The following PARVA variants were observed in gnomAD, a reference collection of about 807,000 sequenced individuals.
The protein encoded by PARVA is alpha-parvin.
A neutral mutation model predicts 52.6 loss-of-function variants in PARVA; 25 were observed. The ratio of observed to expected loss-of-function variants is 0.48; its 90% CI spans 0.35 to 0.66. The LOEUF is 0.66. PARVA is among the 30% of genes least tolerant of loss of function. The pLI is 0.01. For missense variants in PARVA, 373 were observed against 450.9 expected, an observed-to-expected ratio of 0.83 and a Z score of 1.56; for synonymous variants, 185 against 179.1, an observed-to-expected ratio of 1.03 and a Z score of -0.26.
intron 5 of PARVA, among the ~76,000 whole-genome samples, chr11:12,501,291 C>CATATACACATGTGTATATAGAT: frequency 6.6e-6 from 1 of 151,854 alleles, no homozygotes; most frequent in Non-Finnish European, 1.5e-5. Context: ...ATATTACACA[C>CATATACACATGTGTATATAGAT]ATATACACAT....
At chr11:12,516,534 C>T (rs1408214833) in intron 10 of PARVA, among the ~76,000 whole-genome samples, 1 of 152,222 alleles carries the variant, frequency 6.6e-6, no homozygotes, top group Non-Finnish European at 1.5e-5. Context: ...GAGGGACTCT[C>T]CTGTCCCTTG....
intron 4 of PARVA, among the ~76,000 whole-genome samples, chr11:12,482,554 A>T (rs1941102275): frequency 6.6e-6 from 1 of 151,220 alleles, no homozygotes; most frequent in South Asian, 2.1e-4. Flanking sequence ...TGAACCCAGG[A>T]GGCAGAGGTT....
In PARVA at chr11:12,462,163, C is replaced by T. The variant is rs145615560; in HGVS notation, c.137-11582C>T. Among the ~76,000 whole-genome samples, 178 of 152,304 alleles carry T rather than the reference C, an allele frequency of 1.2e-3. 1 individual carries two copies. In the East Asian group the frequency reaches 0.027, roughly 23 times the overall value. The stretch of plus-strand genomic sequence containing the variant: ...TTAAGAACAGAACTTGTTCCCTTAA[C>T]AGAAAAAGCTATTGTAGGCAGAATA... On this transcript the variant is annotated intron_variant, in intron 1 of 12. Transcript: ENST00000334956.
intron 1 of PARVA, among the ~76,000 whole-genome samples, chr11:12,465,314 A>G (rs1190644605): frequency 1.3e-5 from 2 of 152,224 alleles, no homozygotes; most frequent in East Asian, 1.9e-4. Context: ...AGTCCCCACC[A>G]GCACAAAGGC....
At chr11:12,459,324 A>G (rs1225219236) in intron 1 of PARVA, among the ~76,000 whole-genome samples, 1 of 152,070 alleles carries the variant, frequency 6.6e-6, no homozygotes, top group Non-Finnish European at 1.5e-5. Context: ...AAGATCACTT[A>G]AGCCCAGGAG....
intron 4 of PARVA, among the ~76,000 whole-genome samples, chr11:12,491,354 G>C (rs1489473213): frequency 6.6e-6 from 1 of 152,024 alleles, no homozygotes; most frequent in African/African-American, 2.4e-5. Flanking sequence ...TTTTTGTACA[G>C]ACAGGGTCTC....
At chr11:12,511,625 G>C in intron 8 of PARVA, 92 bp downstream of exon 8, 1 of 1,349,210 alleles carries the variant, frequency 7.4e-7, no homozygotes, top group Non-Finnish European at 1.0e-6. Flanking sequence ...CTCTCAGCTT[G>C]TCACCTGGAT....
intron 1 of PARVA, among the ~76,000 whole-genome samples, chr11:12,417,869 T>C (rs947341961): frequency 1.5e-4 from 23 of 152,310 alleles, no homozygotes; most frequent in African/African-American, 4.8e-4. Context: ...CCCTTCTAGC[T>C]GGGCAGCTCC....
At chr11:12,378,426 C>T (rs1397894784) in intron 1 of PARVA, among the ~76,000 whole-genome samples, 1 of 152,108 alleles carries the variant, frequency 6.6e-6, no homozygotes, top group Non-Finnish European at 1.5e-5. Flanking sequence ...AGCGTGCCCT[C>T]GGTGTAATAC....
chr11:12,481,611 T>G (rs1402134061), intron 4 of PARVA, among the ~76,000 whole-genome samples: 2 of 152,226 alleles, frequency 1.3e-5, no homozygotes, highest in Non-Finnish European at 2.9e-5. Context: ...TTTAACTTGT[T>G]GTCTGCAGCA....
At chr11:12,403,749 T>G (rs929611980) in intron 1 of PARVA, among the ~76,000 whole-genome samples, 16 of 152,254 alleles carry the variant, frequency 1.1e-4, no homozygotes, top group Admixed American at 9.8e-4. Context: ...AGGGTTAGTT[T>G]AGTTTCAAAC....
rs141323523 is a variant in PARVA at position 12,473,259 on chromosome 11, G to A, written c.137-486G>A. ...GCAGATAATCAGGAGAGTACCTCAG[G>A]GAAGCCAGGAGAGGTGAGAAGTCAG... On this transcript the variant is annotated intron_variant, in intron 1 of 12. Transcript: ENST00000334956. Among the ~76,000 whole-genome samples, 53 of 152,234 alleles carry A rather than the reference G, an allele frequency of 3.5e-4. No individual in the cohort carries two copies. The East Asian group carries it at 9.7e-3, about 28-fold the overall frequency.
In PARVA at chr11:12,532,425, A is replaced by C. The variant is rs1450211046; in HGVS notation, c.*4500A>C. Among the ~76,000 whole-genome samples, 1 of 152,108 alleles carries C rather than the reference A, an allele frequency of 6.6e-6. No individual in the cohort carries two copies. The highest frequency in any genetic ancestry group is 1.5e-5 in the Non-Finnish European group (1 of 68,030). On this transcript the variant is annotated 3_prime_UTR_variant, in exon 13 of 13. Coordinates refer to ENST00000334956, the MANE Select transcript of PARVA (RefSeq NM_018222.5). ...GTACGATGGGTCCCAATCTTGTTTG[A>C]TCACAGGATGTATCTGTCCCCTGAG...
At chr11:12,482,560 A>G (rs1237421888) in intron 4 of PARVA, among the ~76,000 whole-genome samples, 1 of 150,870 alleles carries the variant, frequency 6.6e-6, no homozygotes, top group Non-Finnish European at 1.5e-5. Flanking sequence ...CAGGAGGCAG[A>G]GGTTGCAGTG....
rs567295634 is a variant in PARVA, at chr11:12,436,967, A to C, written c.137-36778A>C. Among the ~76,000 whole-genome samples the C allele has an allele frequency of 5.3e-5, 8 of 152,316 alleles. No homozygotes were observed. In the South Asian group the frequency reaches 1.7e-3, roughly 32 times the overall value. ...TTGTGTGTTGAAGTATACATTACAT[A>C]AATTTTGCTGTTTTCACCATCTTTA... On this transcript the variant is annotated intron_variant, in intron 1 of 12. Coordinates refer to ENST00000334956, the MANE Select transcript of PARVA (RefSeq NM_018222.5).
At chr11:12,465,014 G>A (rs1265881858) in intron 1 of PARVA, among the ~76,000 whole-genome samples, 2 of 152,122 alleles carry the variant, frequency 1.3e-5, no homozygotes, top group Non-Finnish European at 2.9e-5. Context: ...TCACAATAGG[G>A]TTTGCGCTCC....
chr11:12,469,620 G>A (rs1197501642), intron 1 of PARVA, among the ~76,000 whole-genome samples: 1 of 152,190 alleles, frequency 6.6e-6, no homozygotes, highest in African/African-American at 2.4e-5. Flanking sequence ...GGGCCCCATG[G>A]GGCAAGGGCC....
rs56782009 is a variant in PARVA at position 12,395,304 on chromosome 11, C to T, written c.136+17521C>T. ...ATGAGTGTAGACTTTCTGTAGTCCC[C>T]GGATAGTAAACTAAGAGCACCGAAT... On this transcript the variant is annotated intron_variant, in intron 1 of 12. Transcript: ENST00000334956. Among the ~76,000 whole-genome samples the T allele has an allele frequency of 4.1e-3, 631 of 152,180 alleles. 4 individuals carry two copies. The highest frequency in any genetic ancestry group is 0.013 in the African/African-American group (559 of 41,520).
intron 4 of PARVA, among the ~76,000 whole-genome samples, chr11:12,484,129 A>G (rs772735141): frequency 2.0e-5 from 3 of 152,244 alleles, no homozygotes; most frequent in Non-Finnish European, 4.4e-5. Flanking sequence ...TTATATTTAC[A>G]TTCACAACAC....
Sources: gnomAD v4.1 joint callset for allele counts (sites outside exome capture counted in the v4.1 genomes callset) on GRCh38, gnomAD v4.1.1 for gene constraint, MANE v1.5 for transcripts, NCBI Gene and HGNC (gene_info 2026-07-23, HGNC 2026-07-21) for gene names.